Variants in LARP1B observed in about 807,000 individuals in gnomAD.
LARP1B encodes La ribonucleoprotein 1B.
LARP1B carries 76 observed loss-of-function variants against 114.2 expected under a neutral mutation model. The ratio of observed to expected loss-of-function variants is 0.67; its 90% CI spans 0.55 to 0.81. The LOEUF is 0.81. Among genes scored for constraint, LARP1B ranks in the 30% least tolerant of loss-of-function variants. The pLI, the probability that LARP1B is intolerant of heterozygous loss-of-function variation, is 0.00. For missense variants in LARP1B, 1,014 were observed against 1,075.8 expected (o/e 0.94, Z 0.80); for synonymous variants, 345 against 348.0 (o/e 0.99, Z 0.10).
At chr4:128,204,867 T>TAA (rs71587377) in intron 17 of LARP1B, among the ~76,000 whole-genome samples, 1 of 149,502 alleles carries the variant, frequency 6.7e-6, no homozygotes, top group Non-Finnish European at 1.5e-5. Context: ...TTTTAAAAAT[T>TAA]AAAAAAAAAG....
intron 11 of LARP1B, chr4:128,122,749 G>T: frequency 1.7e-6 from 2 of 1,204,780 alleles, no homozygotes; most frequent in Non-Finnish European, 2.1e-6. Context: ...GTGGTGCTAG[G>T]GTTACTTTTT....
chr4:128,122,035 T>C lies in LARP1B; in HGVS notation c.1371T>C (p.Tyr457=), dbSNP rs762563227. 10 of 1,613,822 alleles carry C rather than the reference T, an allele frequency of 6.2e-6. No homozygotes were observed. In the African/African-American group the frequency reaches 9.3e-5, roughly 15 times the overall value. ...TGATTGTAACTCAGACACCACCTTATGTGAAAAAACATCCTGGAGGAGATC... is the reference window on the plus strand; with the variant it reads ...TGATTGTAACTCAGACACCACCTTACGTGAAAAAACATCCTGGAGGAGATC... ...KILIVTQTPP[Y]VKKHPGGDRT... The change falls in exon 11 of 20, where the codon TAT becomes TAC. Residue 457 remains tyrosine, a synonymous_variant. Coordinates refer to ENST00000326639, the MANE Select transcript of LARP1B (RefSeq NM_018078.4).
chr4:128,179,096 A>G (rs1202077846), intron 14 of LARP1B, among the ~76,000 whole-genome samples: 1 of 152,224 alleles, frequency 6.6e-6, no homozygotes, highest in Non-Finnish European at 1.5e-5. Flanking sequence ...CCATTTAAAA[A>G]TAAACAAACA....
intron 17 of LARP1B, among the ~76,000 whole-genome samples, chr4:128,205,318 C>A (rs1349091248): frequency 6.6e-6 from 1 of 152,212 alleles, no homozygotes; most frequent in Non-Finnish European, 1.5e-5. Context: ...CCCAGAATGA[C>A]TTAGGATTCT....
chr4:128,090,316 G>A (rs778083830), intron 5 of LARP1B, among the ~76,000 whole-genome samples: 55 of 152,018 alleles, frequency 3.6e-4, no homozygotes, highest in Non-Finnish European at 7.1e-4. Flanking sequence ...CAGTTGATCC[G>A]CCCCCCTTGG....
At chr4:128,190,391 G>A (rs983273344) in intron 15 of LARP1B, among the ~76,000 whole-genome samples, 1 of 151,958 alleles carries the variant, frequency 6.6e-6, no homozygotes, top group Non-Finnish European at 1.5e-5. Flanking sequence ...GACATTTTCA[G>A]GTTTGATTAT....
intron 12 of LARP1B, among the ~76,000 whole-genome samples, chr4:128,163,552 A>G (rs1047502624): frequency 6.6e-6 from 1 of 152,168 alleles, no homozygotes; most frequent in African/African-American, 2.4e-5. Flanking sequence ...ACTTTTATAA[A>G]GAGAACTTTC....
intron 11 of LARP1B, among the ~76,000 whole-genome samples, chr4:128,125,334 T>A (rs1789211874): frequency 6.6e-6 from 1 of 152,204 alleles, no homozygotes; most frequent in Non-Finnish European, 1.5e-5. Context: ...AACTTACTCG[T>A]GTAACCAAAT....
At chr4:128,145,667 A>C (rs549377829) in intron 11 of LARP1B, among the ~76,000 whole-genome samples, 1 of 152,274 alleles carries the variant, frequency 6.6e-6, no homozygotes, top group African/African-American at 2.4e-5. Flanking sequence ...GGACAGTTAT[A>C]CTTTGCTTGG....
intron 11 of LARP1B, chr4:128,155,406 G>C (rs2150362667): frequency 3.2e-6 from 2 of 628,860 alleles, no homozygotes; most frequent in East Asian, 5.7e-5. Flanking sequence ...GAGACTTCAG[G>C]GAACCCGGCC....
At chr4:128,082,680 A>G (rs998082978) in intron 5 of LARP1B, among the ~76,000 whole-genome samples, 1 of 151,756 alleles carries the variant, frequency 6.6e-6, no homozygotes, top group Non-Finnish European at 1.5e-5. Context: ...GATTTTTTTG[A>G]AGATTGTAGG....
chr4:128,131,587 G>A (rs569358180), intron 11 of LARP1B, among the ~76,000 whole-genome samples: 82 of 152,232 alleles, frequency 5.4e-4, no homozygotes, highest in Non-Finnish European at 7.8e-4. Context: ...GTGTGGTGGT[G>A]TGTGTCTGTA....
intron 15 of LARP1B, among the ~76,000 whole-genome samples, chr4:128,183,367 C>G (rs564533474): frequency 3.4e-4 from 52 of 152,258 alleles, no homozygotes; most frequent in African/African-American, 1.2e-3. Context: ...TGCCAGGGCT[C>G]TTTTGAATTA....
At chr4:128,077,654 A>G in intron 3 of LARP1B, 134 bp from the exon 4 acceptor site, 1 of 882,616 alleles carries the variant, frequency 1.1e-6, no homozygotes, top group South Asian at 2.7e-5. Flanking sequence ...TCTTTTGAAA[A>G]GTAATTTTTT....
chr4:128,181,697 A>T (rs1748448171), intron 15 of LARP1B, among the ~76,000 whole-genome samples: 1 of 151,846 alleles, frequency 6.6e-6, no homozygotes, highest in Non-Finnish European at 1.5e-5. Context: ...GTGTTGAGCA[A>T]GTTTATCAAT....
Position 128,171,398 on chromosome 4 carries a change from G to T in LARP1B, c.1649-5474G>T, listed in dbSNP as rs577990855. ...TTCTCCTACCTCAGCCTCCCAAAGTGCTGGGATTATAGGCATGAATCACCA... is the reference window on the plus strand; with the variant it reads ...TTCTCCTACCTCAGCCTCCCAAAGTTCTGGGATTATAGGCATGAATCACCA... On this transcript the variant is annotated intron_variant, in intron 12 of 19. Coordinates refer to ENST00000326639, the MANE Select transcript of LARP1B (RefSeq NM_018078.4). 3.9e-5 allele frequency among the ~76,000 whole-genome samples: 6 copies of T among 152,220 alleles called. No homozygotes were observed. In the South Asian group the frequency reaches 1.2e-3, roughly 32 times the overall value.
intron 12 of LARP1B, among the ~76,000 whole-genome samples, chr4:128,171,787 A>T (rs1743852710): frequency 6.6e-6 from 1 of 152,140 alleles, no homozygotes; most frequent in African/African-American, 2.4e-5. Context: ...TGAACTGACA[A>T]TTGTTTTCTG....
chr4:128,078,917 T>C (rs972252542), intron 4 of LARP1B, among the ~76,000 whole-genome samples: 2 of 152,094 alleles, frequency 1.3e-5, no homozygotes, highest in African/African-American at 4.8e-5. Context: ...ACAACGTCCA[T>C]GGTATACAGG....
At chr4:128,092,157 G>T (rs913695427) in intron 7 of LARP1B, among the ~76,000 whole-genome samples, 4 of 152,128 alleles carry the variant, frequency 2.6e-5, no homozygotes, top group Non-Finnish European at 5.9e-5. Flanking sequence ...AACTGAACAA[G>T]TAAAATTTGG....
Sources: allele counts gnomAD v4.1 joint callset (sites outside exome capture counted in the v4.1 genomes callset), GRCh38; gene constraint gnomAD v4.1.1; transcripts MANE v1.5; gene names NCBI Gene and HGNC (gene_info 2026-07-23, HGNC 2026-07-21).